The following PCCB variants were observed in gnomAD, a reference collection of about 807,000 sequenced individuals.
PCCB encodes propionyl-CoA carboxylase beta chain, mitochondrial.
Under a neutral mutation model 60.7 loss-of-function variants are expected in PCCB, and 43 were observed. That is an observed-to-expected ratio of 0.71 (90% confidence interval 0.55 to 0.91). PCCB has a LOEUF of 0.91. Among genes scored for constraint, PCCB ranks in the 40% least tolerant of loss-of-function variants. The pLI is 0.00. For synonymous variants in PCCB, 276 were observed against 255.9 expected (o/e 1.08, Z -0.75); for missense variants, 766 against 702.8 (o/e 1.09, Z -1.02).
At chr3:136,253,573 C>T (rs1481499809) in intron 1 of PCCB, among the ~76,000 whole-genome samples, 6 of 151,532 alleles carry the variant, frequency 4.0e-5, no homozygotes, top group South Asian at 4.2e-4. Context: ...TTAGTAGAGA[C>T]GGGGTTTCAC....
At chr3:136,270,356 A>G (rs1358390653) in intron 5 of PCCB, among the ~76,000 whole-genome samples, 1 of 152,186 alleles carries the variant, frequency 6.6e-6, no homozygotes, top group African/African-American at 2.4e-5. Flanking sequence ...TTGGTATTAC[A>G]GTAATTCTCA....
chr3:136,265,939 C>T (rs1941970628), intron 5 of PCCB, among the ~76,000 whole-genome samples: 1 of 151,742 alleles, frequency 6.6e-6, no homozygotes, highest in Non-Finnish European at 1.5e-5. Context: ...CATTCTCCTG[C>T]CTGAGCCTCC....
At chr3:136,261,225 TGCTCTG>T (rs946150670) in intron 4 of PCCB, among the ~76,000 whole-genome samples, 1 of 152,160 alleles carries the variant, frequency 6.6e-6, no homozygotes, top group Non-Finnish European at 1.5e-5. Flanking sequence ...AGAGATTAGA[TGCTCTG>T]GAGAGGAATA....
intron 1 of PCCB, among the ~76,000 whole-genome samples, chr3:136,253,246 C>T (rs2108132839): frequency 6.6e-6 from 1 of 152,086 alleles, no homozygotes; most frequent in East Asian, 1.9e-4. Flanking sequence ...CCCACCACCA[C>T]ACCTGGCTAT....
intron 5 of PCCB, among the ~76,000 whole-genome samples, chr3:136,269,728 A>G (rs1942137401): frequency 6.6e-6 from 1 of 151,954 alleles, no homozygotes; most frequent in African/African-American, 2.4e-5. Flanking sequence ...TACTAAAAAT[A>G]CAAAAAAATT....
At chr3:136,258,237 C>T (rs923845300) in intron 3 of PCCB, among the ~76,000 whole-genome samples, 2 of 152,200 alleles carry the variant, frequency 1.3e-5, no homozygotes, top group African/African-American at 2.4e-5. Flanking sequence ...CTCTTATGCT[C>T]ATGTGGTAGG....
Position 136,320,631 on chromosome 3 carries a change from G to T in PCCB, c.1090+3567G>T, listed in dbSNP as rs145099378. On this transcript the variant is annotated intron_variant, in intron 10 of 14. Coordinates refer to ENST00000251654, the MANE Select transcript of PCCB (RefSeq NM_000532.5). ...CTACATTTTGTTTGATTGTTGATCTGTGGACATGGGGTATTTTCACCTTTT... is the reference window on the plus strand; with the variant it reads ...CTACATTTTGTTTGATTGTTGATCTTTGGACATGGGGTATTTTCACCTTTT... Among the ~76,000 whole-genome samples, 188 of 152,286 alleles carry T rather than the reference G, an allele frequency of 1.2e-3. 1 individual carries two copies. The highest frequency in any genetic ancestry group is 4.2e-3 in the African/African-American group (173 of 41,556).
chr3:136,279,961 C>T (rs556044178), intron 5 of PCCB, among the ~76,000 whole-genome samples: 69 of 152,314 alleles, frequency 4.5e-4, no homozygotes, highest in African/African-American at 1.0e-3. Context: ...CCACCGCGCC[C>T]GGCCTTTTTA....
Position 136,328,780 on chromosome 3 carries a change from A to G in PCCB, c.1421A>G (p.Lys474Arg), listed in dbSNP as rs145628302. 589 of 1,614,108 alleles carry G rather than the reference A, an allele frequency of 3.6e-4. 1 individual carries two copies. Among genetic ancestry groups the G allele is most frequent in the Middle Eastern group, 8.2e-4 (5 of 6,062 alleles). ...GAKGAVEIIF[K>R]GHENVEAAQA... ...CAGGGCGCTGTGGAGATCATCTTCA[A>G]AGGGCATGAGAATGTGGAAGCTGCT... is the stretch of plus-strand genomic sequence containing the variant. Residue 474 changes from lysine (K) to arginine (R), a missense_variant, in exon 14 of 15, where the codon AAA becomes AGA. Coordinates refer to ENST00000251654, the MANE Select transcript of PCCB (RefSeq NM_000532.5).
intron 9 of PCCB, among the ~76,000 whole-genome samples, chr3:136,315,266 G>A (rs776291439): frequency 1.1e-4 from 16 of 152,152 alleles, no homozygotes; most frequent in African/African-American, 2.9e-4. Flanking sequence ...GGCCGGGCGC[G>A]GTGGCTCACG....
chr3:136,298,801 G>C (rs1228960906), intron 8 of PCCB, among the ~76,000 whole-genome samples: 1 of 152,178 alleles, frequency 6.6e-6, no homozygotes, highest in African/African-American at 2.4e-5. Context: ...ACTTGGCCTG[G>C]ACTTTCTTCT....
chr3:136,285,877 TG>T (rs1933380009), intron 6 of PCCB, among the ~76,000 whole-genome samples: 1 of 152,252 alleles, frequency 6.6e-6, no homozygotes, highest in African/African-American at 2.4e-5. Flanking sequence ...ATTCTTAAGC[TG>T]TCACCATTCT....
chr3:136,308,303 A>G (rs1618069), intron 9 of PCCB, among the ~76,000 whole-genome samples: 110,884 of 149,068 alleles, frequency 0.74, 41,367 homozygotes, highest in East Asian at 0.86. Context: ...GCACAATCTC[A>G]GCCCACCGCA....
rs112359805 is a variant in PCCB at position 136,304,008 on chromosome 3, G to C, written c.966+2897G>C. On this transcript the variant is annotated intron_variant, in intron 9 of 14. Coordinates refer to ENST00000251654, the MANE Select transcript of PCCB (RefSeq NM_000532.5). ...TATTTTCTGTCAGTTCTGGAGGCTA[G>C]AAGTCCAAGATCATGGTGTTGGCAG... 4.1e-5 allele frequency among the ~76,000 whole-genome samples: 5 copies of C among 122,254 alleles called. 1 individual carries two copies. The highest frequency in any genetic ancestry group is 1.2e-4 in the African/African-American group (5 of 40,256). 80.2% of individuals were successfully genotyped at this position (122,254 alleles called of 152,430 possible). A position where few individuals can be genotyped will look rare whatever the true frequency, so the allele number is the denominator to read the frequency against.
chr3:136,298,025 C>G lies in PCCB; in HGVS notation c.837C>G (p.Pro279=). 6.2e-7 allele frequency: 1 copy of G among 1,614,114 alleles called. No individual in the cohort carries two copies. Among genetic ancestry groups the G allele is most frequent in the African/African-American group, 1.3e-5 (1 of 75,046 alleles). ...CNLRDFFNYL[P]LSSQDPAPVR... ...TCCGGGATTTCTTCAACTACCTGCCCCTGAGCAGTCAGGACCCGGCTCCCG... is the reference window on the plus strand; with the variant it reads ...TCCGGGATTTCTTCAACTACCTGCCGCTGAGCAGTCAGGACCCGGCTCCCG... The change falls in exon 8 of 15, where the codon CCC becomes CCG. Residue 279 remains proline, a synonymous_variant. Transcript: ENST00000251654.
chr3:136,320,801 A>G (rs73863336), intron 10 of PCCB, among the ~76,000 whole-genome samples: 13,306 of 152,114 alleles, frequency 0.087, 1,904 homozygotes, highest in African/African-American at 0.3. Flanking sequence ...TTCCTTTCCA[A>G]TTTGGATGCT....
chr3:136,304,838 C>T (rs1349303057), intron 9 of PCCB, among the ~76,000 whole-genome samples: 5 of 119,258 alleles, frequency 4.2e-5, no homozygotes, highest in African/African-American at 1.3e-4. Flanking sequence ...ATTTCAGGCA[C>T]CCGCCACCAC....
At chr3:136,251,864 C>T (rs969247195) in intron 1 of PCCB, among the ~76,000 whole-genome samples, 5 of 152,168 alleles carry the variant, frequency 3.3e-5, no homozygotes, top group African/African-American at 7.2e-5. Context: ...ATATGAACCC[C>T]CTCCTGCACC....
rs1317225646 is a variant in PCCB at position 136,299,929 on chromosome 3, T to TATATGTATACGCATATGC, written c.885-1097_885-1080dup. On this transcript the variant is annotated intron_variant, in intron 8 of 14. Transcript: ENST00000251654. ...GTATGCATGTATATGTATGCATATG[T>TATATGTATACGCATATGC]ATATGTATACGCATATGCATACATA... Among the ~76,000 whole-genome samples, 3 of 152,042 alleles carry TATATGTATACGCATATGC rather than the reference T, an allele frequency of 2.0e-5. No individual in the cohort carries two copies. In the East Asian group the frequency reaches 5.8e-4, roughly 29 times the overall value.
Sources: gnomAD v4.1 joint callset for allele counts (sites outside exome capture counted in the v4.1 genomes callset) on GRCh38, gnomAD v4.1.1 for gene constraint, MANE v1.5 for transcripts, NCBI Gene and HGNC (gene_info 2026-07-23, HGNC 2026-07-21) for gene names.